The following TLN2 variants were observed in gnomAD, a reference collection of about 807,000 sequenced individuals.
TLN2 encodes talin-2.
A neutral mutation model predicts 294.7 loss-of-function variants in TLN2; 118 were observed. The observed-to-expected ratio is 0.40, with a 90% confidence interval of 0.34 to 0.47. The LOEUF (loss-of-function observed/expected upper bound fraction) is 0.47. Among genes scored for constraint, TLN2 ranks in the 20% least tolerant of loss-of-function variants. The pLI, the probability that TLN2 is intolerant of heterozygous loss-of-function variation, is 0.84. For synonymous variants in TLN2, 1,431 were observed against 1,304.5 expected (o/e 1.10, Z -2.09); for missense variants, 3,083 against 3,282.2 (o/e 0.94, Z 1.48).
In TLN2 at chr15:62,435,010, C is replaced by T. The variant is rs530328562; in HGVS notation, c.-238+44325C>T. 8.1e-4 allele frequency among the ~76,000 whole-genome samples: 124 copies of T among 152,278 alleles called. 1 individual carries two copies. The highest frequency in any genetic ancestry group is 2.9e-3 in the African/African-American group (122 of 41,558). ...GCTCCCACTTATCAGTGAGAACATG[C>T]AGTGTTTGGTTTTTCTGTTTCTGCC... On this transcript the variant is annotated intron_variant, in intron 1 of 58. Coordinates refer to ENST00000636159, the MANE Select transcript of TLN2 (RefSeq NM_015059.3).
chr15:62,567,251 A>G (rs1259911230), intron 1 of TLN2, among the ~76,000 whole-genome samples: 1 of 152,248 alleles, frequency 6.6e-6, no homozygotes, highest in African/African-American at 2.4e-5. Context: ...ATGAATGTTT[A>G]GCATCTTGAT....
Position 62,712,086 on chromosome 15 carries a change from C to G in TLN2, c.2634+9C>G, listed in dbSNP as rs2059462287. 6.2e-7 allele frequency: 1 copy of G among 1,612,522 alleles called. No homozygotes were observed. Among genetic ancestry groups the G allele is most frequent in the Non-Finnish European group, 8.5e-7 (1 of 1,178,864 alleles). ...TGGTGGAAGCTGCAAAGGTATTCTA[C>G]TGGATTTGTTTGTATGAAAAGTGAA... is the stretch of plus-strand genomic sequence containing the variant. On this transcript the variant is annotated intron_variant, in intron 22 of 58. Transcript: ENST00000636159.
intron 1 of TLN2, among the ~76,000 whole-genome samples, chr15:62,412,306 G>T (rs144153296): frequency 1.3e-3 from 201 of 152,306 alleles, no homozygotes; most frequent in Non-Finnish European, 2.0e-3. Flanking sequence ...GTGGTAACAA[G>T]GGCTGATAAC....
rs370487860 is a variant in TLN2 at position 62,604,908 on chromosome 15, C to T, written c.-161-13443C>T. ...GCTGCCGCCGCCTCCTCCTCCTCCT[C>T]CTCCTTTCCCCCATTAAGAAACCCA... On this transcript the variant is annotated intron_variant, in intron 2 of 58. Coordinates refer to ENST00000636159, the MANE Select transcript of TLN2 (RefSeq NM_015059.3). Among the ~76,000 whole-genome samples the T allele has an allele frequency of 2.6e-5, 4 of 152,168 alleles. No homozygotes were observed. In the East Asian group the frequency reaches 5.8e-4, roughly 22 times the overall value.
intron 1 of TLN2, among the ~76,000 whole-genome samples, chr15:62,446,428 G>T (rs2035826653): frequency 6.6e-6 from 1 of 152,132 alleles, no homozygotes. Context: ...ACTGCCTGTG[G>T]TATTCAGATC....
At chr15:62,547,097 CT>C (rs2042036988) in intron 1 of TLN2, among the ~76,000 whole-genome samples, 1 of 152,208 alleles carries the variant, frequency 6.6e-6, no homozygotes, top group South Asian at 2.1e-4. Context: ...GGAGGATTAA[CT>C]GTTAATAAGC....
chr15:62,812,037 A>ATAAAT (rs2066727276), intron 52 of TLN2, among the ~76,000 whole-genome samples: 2 of 151,374 alleles, frequency 1.3e-5, no homozygotes, highest in African/African-American at 4.9e-5. Flanking sequence ...AAATAAATAA[A>ATAAAT]TAAATAAATA....
intron 2 of TLN2, among the ~76,000 whole-genome samples, chr15:62,591,733 G>GGA (rs1011824274): frequency 5.3e-5 from 8 of 152,270 alleles, no homozygotes; most frequent in African/African-American, 1.7e-4. Flanking sequence ...TGGACTCCAA[G>GGA]GAGACCAGTG....
chr15:62,425,799 T>TC lies in TLN2; in HGVS notation c.-238+35114_-238+35115insC, dbSNP rs565525284. ...GGACTCAGTTGGTATGCAGCATGTGTGTGCATTGTTGCTTTTAGTAATAGT... is the reference window on the plus strand; with the variant it reads ...GGACTCAGTTGGTATGCAGCATGTGTCGTGCATTGTTGCTTTTAGTAATAGT... On this transcript the variant is annotated intron_variant, in intron 1 of 58. Transcript: ENST00000636159. 2.6e-4 allele frequency among the ~76,000 whole-genome samples: 39 copies of TC among 152,348 alleles called. 2 individuals are homozygous for TC. In the South Asian group the frequency reaches 4.1e-3, roughly 16 times the overall value.
chr15:62,545,555 T>C lies in TLN2; in HGVS notation c.-237-44132T>C, dbSNP rs540213573. On this transcript the variant is annotated intron_variant, in intron 1 of 58. Coordinates refer to ENST00000636159, the MANE Select transcript of TLN2 (RefSeq NM_015059.3). Reference sequence around the variant, plus strand: ...GTGTGTGTGTGTGTGTCACTGTGTCTCAATGTGTTCTTTCCTGGGTTTTGT... The same window carrying C: ...GTGTGTGTGTGTGTGTCACTGTGTCCCAATGTGTTCTTTCCTGGGTTTTGT... Among the ~76,000 whole-genome samples the C allele has an allele frequency of 1.9e-3, 287 of 151,946 alleles. 1 individual carries two copies. Among genetic ancestry groups the C allele is most frequent in the Non-Finnish European group, 2.7e-3 (181 of 67,976 alleles).
At chr15:62,729,346 T>G (rs2060597547) in intron 28 of TLN2, among the ~76,000 whole-genome samples, 1 of 152,214 alleles carries the variant, frequency 6.6e-6, no homozygotes, top group South Asian at 2.1e-4. Context: ...TCCACATAAA[T>G]TCTAAATCAG....
chr15:62,612,606 A>G (rs533318643), intron 2 of TLN2, among the ~76,000 whole-genome samples: 1 of 152,296 alleles, frequency 6.6e-6, no homozygotes. Flanking sequence ...GCAGTCTGAG[A>G]TACAGTGGAT....
At chr15:62,496,929 A>G (rs528189959) in intron 1 of TLN2, among the ~76,000 whole-genome samples, 1 of 152,304 alleles carries the variant, frequency 6.6e-6, no homozygotes, top group Non-Finnish European at 1.5e-5. Context: ...TTGCATGTAC[A>G]CAGGCAGAGC....
chr15:62,773,182 C>T (rs924228778), intron 42 of TLN2, among the ~76,000 whole-genome samples: 4 of 149,912 alleles, frequency 2.7e-5, no homozygotes, highest in African/African-American at 9.8e-5. Context: ...AACTTCTGGC[C>T]TCAAGCAGTC....
intron 1 of TLN2, among the ~76,000 whole-genome samples, chr15:62,494,947 A>G (rs936573224): frequency 1.4e-4 from 22 of 152,218 alleles, no homozygotes; most frequent in African/African-American, 5.1e-4. Flanking sequence ...TGTTCCCGGA[A>G]CACTGTTTGC....
chr15:62,398,247 C>G (rs533525165), intron 1 of TLN2, among the ~76,000 whole-genome samples: 1 of 152,284 alleles, frequency 6.6e-6, no homozygotes, highest in Admixed American at 6.5e-5. Context: ...TACCCCTTTG[C>G]TTGGCACTTC....
intron 3 of TLN2, among the ~76,000 whole-genome samples, chr15:62,643,405 A>ATTTTTTTTTTTT (rs571288380): frequency 6.6e-5 from 6 of 90,744 alleles, no homozygotes; most frequent in South Asian, 3.9e-4. Context: ...TGGTTCCAGG[A>ATTTTTTTTTTTT]TTTTTTTTTT....
chr15:62,640,889 C>T lies in TLN2; in HGVS notation c.-36-6386C>T, dbSNP rs938414187. On this transcript the variant is annotated intron_variant, in intron 3 of 58. Transcript: ENST00000636159. Reference sequence around the variant, plus strand: ...CGATCTTGGCTCACTGCAACCACTACCTCCCGGGTTCCAGCAATTTTCCTG... The same window carrying T: ...CGATCTTGGCTCACTGCAACCACTATCTCCCGGGTTCCAGCAATTTTCCTG... 6.6e-5 allele frequency among the ~76,000 whole-genome samples: 10 copies of T among 152,146 alleles called. No homozygotes were observed. The East Asian group carries it at 1.7e-3, about 26-fold the overall frequency.
At chr15:62,722,600 C>G (rs916942003) in intron 26 of TLN2, 113 bp downstream of exon 26, 55 of 1,317,182 alleles carry the variant, frequency 4.2e-5, no homozygotes, top group Non-Finnish European at 4.6e-5. Flanking sequence ...GTTGTCCATT[C>G]TACTTGCATG....
Sources: allele counts gnomAD v4.1 joint callset (sites outside exome capture counted in the v4.1 genomes callset), GRCh38; gene constraint gnomAD v4.1.1; transcripts MANE v1.5; gene names NCBI Gene and HGNC (gene_info 2026-07-23, HGNC 2026-07-21).